The following ITGB2 variants were observed in gnomAD, a reference collection of about 807,000 sequenced individuals.
ITGB2 encodes integrin beta-2.
ITGB2 carries 56 observed loss-of-function variants against 86.8 expected under a neutral mutation model. The ratio of observed to expected loss-of-function variants is 0.65; its 90% CI spans 0.52 to 0.81. ITGB2 has a LOEUF of 0.81. ITGB2 is among the 30% of genes least tolerant of loss of function. The pLI, the probability that ITGB2 is intolerant of heterozygous loss-of-function variation, is 0.00. For synonymous variants in ITGB2, 457 were observed against 450.4 expected (o/e 1.01, Z -0.19); for missense variants, 948 against 1,061.2 (o/e 0.89, Z 1.48).
rs117114747 is a variant in ITGB2, at chr21:44,906,226, G to A, written c.328+689C>T. Among the ~76,000 whole-genome samples the A allele has an allele frequency of 6.0e-3, 815 of 135,480 alleles. 8 individuals carry two copies. Among genetic ancestry groups the A allele is most frequent in the Middle Eastern group, 0.06 (16 of 268 alleles). The allele number at this position is 135,480 out of a possible 152,430, so 88.9% of individuals were successfully genotyped here. ...TCTTTTCATTTTGAGACAGAATCTC[G>A]CCCTGTCGCCCAGGCTAAAGTGCAG... On this transcript the variant is annotated intron_variant, in intron 4 of 15. Transcript: ENST00000652462.
At chr21:44,899,930 G>A (rs1235539025) in intron 7 of ITGB2, among the ~76,000 whole-genome samples, 1 of 152,224 alleles carries the variant, frequency 6.6e-6, no homozygotes. Flanking sequence ...AGTGGAGGCC[G>A]GGAGGGGGAG....
At chr21:44,925,904 T>C (rs1367292495) in intron 1 of ITGB2, among the ~76,000 whole-genome samples, 1 of 152,058 alleles carries the variant, frequency 6.6e-6, no homozygotes, top group Admixed American at 6.5e-5. Context: ...TGGTGAAACC[T>C]CGTCTCTACT....
intron 7 of ITGB2, among the ~76,000 whole-genome samples, chr21:44,899,901 G>A (rs1233876024): frequency 1.3e-5 from 2 of 152,238 alleles, no homozygotes; most frequent in Admixed American, 1.3e-4. Flanking sequence ...GGCGGACTCA[G>A]GGGCAGCAGG....
chr21:44,890,359 A>T (rs1215844607), intron 11 of ITGB2, 137 bp from the exon 12 acceptor site: 7 of 1,084,354 alleles, frequency 6.5e-6, no homozygotes, highest in Non-Finnish European at 9.5e-6. Context: ...AGGCCTACTG[A>T]GCACTTGCCA....
chr21:44,895,883 T>TG (rs1555855779), intron 8 of ITGB2, among the ~76,000 whole-genome samples: 9,525 of 121,792 alleles, frequency 0.078, 464 homozygotes, highest in Non-Finnish European at 0.11. Context: ...AATAAAAAAA[T>TG]AAATAAAATA....
chr21:44,925,418 GGGAGGGAA>G (rs61627026), upstream of ITGB2, among the ~76,000 whole-genome samples: 12,448 of 114,270 alleles, frequency 0.11, 724 homozygotes, highest in African/African-American at 0.15. Flanking sequence ...AAGGGAGGGA[GGGAGGGAA>G]GGAAGGAAGG....
intron 10 of ITGB2, chr21:44,892,909 A>T (rs1291858088): frequency 5.4e-6 from 1 of 183,828 alleles, no homozygotes; most frequent in Non-Finnish European, 1.2e-5. Context: ...CATGACAACT[A>T]ACCCTACCCA....
At chr21:44,912,783 C>G (rs529037103) in intron 1 of ITGB2, among the ~76,000 whole-genome samples, 110 of 110,136 alleles carry the variant, frequency 1.0e-3, no homozygotes, top group African/African-American at 3.6e-3. Flanking sequence ...CTGGAGCTAC[C>G]CCAGGGTGCA....
At chr21:44,891,470 C>T (rs2083784407) in intron 11 of ITGB2, among the ~76,000 whole-genome samples, 1 of 152,222 alleles carries the variant, frequency 6.6e-6, no homozygotes, top group East Asian at 1.9e-4. Context: ...TGGGCACGCC[C>T]AGCGGGGACT....
Position 44,897,560 on chromosome 21 carries a change from C to G in ITGB2, c.993+1507G>C, listed in dbSNP as rs544669552. ...GTGGGTGAGCTCAGTACCCACGACG[C>G]ACTGCCCGCCGGGCACCACTACCCC... On this transcript the variant is annotated intron_variant, in intron 8 of 15. Transcript: ENST00000652462. Among the ~76,000 whole-genome samples the G allele has an allele frequency of 1.2e-4, 18 of 152,216 alleles. 1 individual carries two copies. Among genetic ancestry groups the G allele is most frequent in the Non-Finnish European group, 2.1e-4 (14 of 68,028 alleles).
intron 1 of ITGB2, among the ~76,000 whole-genome samples, chr21:44,917,237 C>A (rs1362941834): frequency 1.3e-5 from 2 of 152,154 alleles, no homozygotes; most frequent in African/African-American, 4.8e-5. Flanking sequence ...GCTATGGAGT[C>A]CCACACAGCA....
At position 44,893,542 on chromosome 21, in the gene ITGB2, T is replaced by C; in HGVS notation, c.1086A>G (p.Lys362=). The C allele has an allele frequency of 6.2e-7, 1 of 1,612,594 alleles. No individual in the cohort carries two copies. The highest frequency in any genetic ancestry group is 1.3e-5 in the African/African-American group (1 of 74,594). The change falls in exon 10 of 16, where the codon AAA becomes AAG. Residue 362 remains lysine, a splice_region_variant and synonymous_variant. Transcript: ENST00000652462. ...VVHLIKNAYN[K]LSSRVFLDHN... ...GATCCAGGAAGACCCTGGAGGAGAGTTTCTGCGGGCAGAGAGCGGTTACTC... is the reference window on the plus strand; with the variant it reads ...GATCCAGGAAGACCCTGGAGGAGAGCTTCTGCGGGCAGAGAGCGGTTACTC...
chr21:44,898,013 G>A (rs2083893988), intron 8 of ITGB2, among the ~76,000 whole-genome samples: 1 of 152,194 alleles, frequency 6.6e-6, no homozygotes. Flanking sequence ...GAGCTCCTGA[G>A]AGGTAGCCTC....
intron 1 of ITGB2, among the ~76,000 whole-genome samples, chr21:44,917,859 C>G (rs1044310991): frequency 3.3e-5 from 5 of 152,224 alleles, no homozygotes; most frequent in African/African-American, 1.2e-4. Flanking sequence ...CTTCTGCACT[C>G]TCAGACCCTG....
At chr21:44,920,976 G>C (rs987509367), upstream of ITGB2, 1 of 152,412 alleles carries the variant, frequency 6.6e-6, no homozygotes, top group Non-Finnish European at 1.5e-5. Flanking sequence ...GGAGGAAGTG[G>C]TGGGTTGCAC....
intron 14 of ITGB2, among the ~76,000 whole-genome samples, chr21:44,887,399 C>G (rs2083714748): frequency 6.6e-6 from 1 of 152,152 alleles, no homozygotes; most frequent in African/African-American, 2.4e-5. Context: ...GGCAGCTGTG[C>G]CCACCTCCTG....
intron 4 of ITGB2, among the ~76,000 whole-genome samples, chr21:44,904,676 T>C (rs569428541): frequency 8.0e-5 from 12 of 150,238 alleles, no homozygotes; most frequent in African/African-American, 2.5e-4. Context: ...ACACATGCAC[T>C]CACGCACATA....
intron 14 of ITGB2, among the ~76,000 whole-genome samples, chr21:44,888,370 A>G (rs2083729114): frequency 6.6e-6 from 1 of 152,238 alleles, no homozygotes; most frequent in African/African-American, 2.4e-5. Context: ...CCCATGAGGC[A>G]TCCAGCGGGA....
Position 44,888,670 on chromosome 21 carries a change from CCGCTGCACCCCA to C in ITGB2, c.2080+11_2080+22del. 3 of 1,603,452 alleles carry C rather than the reference CCGCTGCACCCCA, an allele frequency of 1.9e-6. No individual in the cohort carries two copies. In the Middle Eastern group the frequency reaches 5.0e-4, roughly 265 times the overall value. ...GCAGCCGGAGCTCTGGAGCCGGTCC[CCGCTGCACCCCA>C]GCGGCCTCACCTCGGCTCTCATCCA... On this transcript the variant is annotated intron_variant, in intron 14 of 15. Coordinates refer to ENST00000652462, the MANE Select transcript of ITGB2 (RefSeq NM_000211.5).
Sources: allele counts gnomAD v4.1 joint callset (sites outside exome capture counted in the v4.1 genomes callset), GRCh38; gene constraint gnomAD v4.1.1; transcripts MANE v1.5; gene names NCBI Gene and HGNC (gene_info 2026-07-23, HGNC 2026-07-21).